GRID2: variants seen among roughly 807,000 people sequenced by gnomAD.
The protein encoded by GRID2 is glutamate receptor ionotropic, delta-2.
A neutral mutation model predicts 114.8 loss-of-function variants in GRID2; 33 were observed. The observed-to-expected ratio is 0.29, with a 90% CI of 0.22 to 0.38. The LOEUF (loss-of-function observed/expected upper bound fraction) is 0.38, where lower values mean the gene tolerates loss of function less well. GRID2 is among the 10% of genes least tolerant of loss of function. The pLI, the probability that GRID2 is intolerant of heterozygous loss-of-function variation, is 1.00. For synonymous variants in GRID2, 505 were observed against 449.9 expected (o/e 1.12, Z -1.55); for missense variants, 1,184 against 1,257.7 (o/e 0.94, Z 0.89).
At chr4:93,041,099 A>G (rs574407021) in intron 2 of GRID2, among the ~76,000 whole-genome samples, 1 of 152,210 alleles carries the variant, frequency 6.6e-6, no homozygotes, top group East Asian at 1.9e-4. Flanking sequence ...CAGTGTTTCA[A>G]TAAATAAATA....
At chr4:92,679,934 C>T (rs1279126953) in intron 2 of GRID2, among the ~76,000 whole-genome samples, 3 of 150,612 alleles carry the variant, frequency 2.0e-5, no homozygotes, top group Non-Finnish European at 3.0e-5. Flanking sequence ...AAAAACATAT[C>T]AAAGAAGCAG....
chr4:92,506,707 C>A (rs529828629), intron 1 of GRID2, among the ~76,000 whole-genome samples: 1 of 151,900 alleles, frequency 6.6e-6, no homozygotes, highest in East Asian at 1.9e-4. Context: ...TCTTGCTTTG[C>A]TGAAGGCAGT....
chr4:92,711,399 A>G (rs1445916088), intron 2 of GRID2, among the ~76,000 whole-genome samples: 1 of 152,190 alleles, frequency 6.6e-6, no homozygotes, highest in Non-Finnish European at 1.5e-5. Context: ...TTAGGATATT[A>G]GCAGAATCCA....
chr4:92,634,879 AAG>A (rs70942918), intron 2 of GRID2, among the ~76,000 whole-genome samples: 22 of 135,644 alleles, frequency 1.6e-4, no homozygotes, highest in Admixed American at 4.4e-4. Flanking sequence ...GAGAGAGAGA[AAG>A]AGAGAGAGAG....
At chr4:93,152,219 A>G (rs1021576291) in intron 4 of GRID2, among the ~76,000 whole-genome samples, 6 of 152,166 alleles carry the variant, frequency 3.9e-5, no homozygotes, top group South Asian at 2.1e-4. Flanking sequence ...AAACCGAAGC[A>G]TTTTCCTTAT....
chr4:92,631,234 G>C (rs1314559441), intron 2 of GRID2, among the ~76,000 whole-genome samples: 2 of 151,994 alleles, frequency 1.3e-5, no homozygotes, highest in African/African-American at 2.4e-5. Flanking sequence ...TACAACACCA[G>C]AAGGAAGGGT....
At chr4:93,484,370 A>T (rs956399645) in intron 11 of GRID2, among the ~76,000 whole-genome samples, 2 of 151,918 alleles carry the variant, frequency 1.3e-5, no homozygotes, top group Non-Finnish European at 2.9e-5. Flanking sequence ...TTTACCCAAC[A>T]TTAGGTTCAT....
chr4:92,719,057 G>C (rs995622870), intron 2 of GRID2, among the ~76,000 whole-genome samples: 2 of 151,752 alleles, frequency 1.3e-5, no homozygotes, highest in Non-Finnish European at 2.9e-5. Flanking sequence ...CACAATCTCA[G>C]CTCACTTCAA....
chr4:92,671,418 G>C (rs1468086989), intron 2 of GRID2, among the ~76,000 whole-genome samples: 1 of 152,062 alleles, frequency 6.6e-6, no homozygotes, highest in African/African-American at 2.4e-5. Context: ...TTCAAGCCTT[G>C]TTAGATTCAT....
intron 2 of GRID2, among the ~76,000 whole-genome samples, chr4:92,856,244 A>G (rs1413449088): frequency 6.6e-6 from 1 of 151,984 alleles, no homozygotes; most frequent in Non-Finnish European, 1.5e-5. Flanking sequence ...TTTTTCTATT[A>G]TCATATTTTC....
intron 14 of GRID2, among the ~76,000 whole-genome samples, chr4:93,670,384 AT>A (rs932570167): frequency 1.3e-5 from 2 of 152,070 alleles, no homozygotes; most frequent in Admixed American, 6.6e-5. Flanking sequence ...CAAAAGTCAT[AT>A]TTTTTTCTAA....
At chr4:92,982,158 T>G (rs1754262523) in intron 2 of GRID2, among the ~76,000 whole-genome samples, 1 of 151,714 alleles carries the variant, frequency 6.6e-6, no homozygotes. Context: ...GATAATGAAC[T>G]GTGAAATGGT....
chr4:92,635,634 T>C (rs1229378596), intron 2 of GRID2, among the ~76,000 whole-genome samples: 1 of 152,110 alleles, frequency 6.6e-6, no homozygotes, highest in Non-Finnish European at 1.5e-5. Flanking sequence ...GTTGAAAACT[T>C]TTATATAATC....
chr4:92,420,158 C>A (rs1731828421), intron 1 of GRID2, among the ~76,000 whole-genome samples: 1 of 152,072 alleles, frequency 6.6e-6, no homozygotes, highest in African/African-American at 2.4e-5. Flanking sequence ...TCTGCTGTGA[C>A]TACAAATTCA....
chr4:92,516,320 T>C (rs1724499082), intron 1 of GRID2, among the ~76,000 whole-genome samples: 1 of 151,926 alleles, frequency 6.6e-6, no homozygotes. Context: ...CTTTGAATTC[T>C]AGGAGTAACT....
intron 14 of GRID2, among the ~76,000 whole-genome samples, chr4:93,670,747 G>T (rs17020960): frequency 0.15 from 23,561 of 152,094 alleles, 2,691 homozygotes; most frequent in African/African-American, 0.32. Context: ...GTCTTTGTTA[G>T]TGACATGGTT....
intron 1 of GRID2, among the ~76,000 whole-genome samples, chr4:92,553,702 A>C (rs1206552768): frequency 1.3e-5 from 2 of 151,838 alleles, no homozygotes; most frequent in East Asian, 3.9e-4. Flanking sequence ...CCCAGGCTGG[A>C]GTGCAGTGGT....
chr4:92,900,936 C>CTGTGTGTGTG (rs67753622), intron 2 of GRID2, among the ~76,000 whole-genome samples: 24 of 149,872 alleles, frequency 1.6e-4, no homozygotes, highest in African/African-American at 2.5e-4. Flanking sequence ...TAGTATTCGT[C>CTGTGTGTGTG]TGTGTGTGTG....
At chr4:93,260,973 T>G (rs1750187798) in intron 8 of GRID2, among the ~76,000 whole-genome samples, 1 of 151,840 alleles carries the variant, frequency 6.6e-6, no homozygotes, top group Admixed American at 6.6e-5. Flanking sequence ...CATCATTCTG[T>G]GGCCTATGGC....
Sources: allele counts gnomAD v4.1 joint callset (sites outside exome capture counted in the v4.1 genomes callset), GRCh38; gene constraint gnomAD v4.1.1; transcripts MANE v1.5; gene names NCBI Gene and HGNC (gene_info 2026-07-23, HGNC 2026-07-21).